Variants in MEF2D observed in about 807,000 individuals in gnomAD.
The protein encoded by MEF2D is myocyte-specific enhancer factor 2D.
Under a neutral mutation model 59.3 loss-of-function variants are expected in MEF2D, and 10 were observed. The observed-to-expected ratio is 0.17, with a 90% CI of 0.10 to 0.29. The LOEUF (loss-of-function observed/expected upper bound fraction) is 0.29, where lower values mean the gene tolerates loss of function less well. Among genes scored for constraint, MEF2D ranks in the 10% least tolerant of loss-of-function variants. The probability of loss-of-function intolerance (pLI) is 1.00; values close to 1 mark genes in which losing one functional copy is unlikely to be tolerated. For synonymous variants in MEF2D, 305 were observed against 295.0 expected (o/e 1.03, Z -0.35); for missense variants, 508 against 699.4 (o/e 0.73, Z 3.09).
In MEF2D at chr1:156,483,416, C is replaced by T. The variant is rs1369079583; in HGVS notation, c.-124G>A. The T allele has an allele frequency of 2.2e-6, 2 of 909,022 alleles. No individual in the cohort carries two copies. The highest frequency in any genetic ancestry group is 3.6e-6 in the Non-Finnish European group (2 of 559,650). 56.3% of individuals were successfully genotyped at this position (909,022 alleles called of 1,614,324 possible). A position where few individuals can be genotyped will look rare whatever the true frequency, so the allele number is the denominator to read the frequency against. On this transcript the variant is annotated 5_prime_UTR_variant, in exon 2 of 12. Transcript: ENST00000348159. ...GCTCAGTTCATGGTCTGCAGGATAC[C>T]TTCTGCACAGCCTCCTGGAAAGGGA...
chr1:156,473,511 C>T (rs1671376213), intron 9 of MEF2D, among the ~76,000 whole-genome samples: 1 of 152,230 alleles, frequency 6.6e-6, no homozygotes, highest in Non-Finnish European at 1.5e-5. Flanking sequence ...AGGTCTCTAG[C>T]TGGAAATAGC....
intron 9 of MEF2D, among the ~76,000 whole-genome samples, chr1:156,469,871 G>C (rs1188139101): frequency 2.0e-5 from 3 of 151,714 alleles, no homozygotes; most frequent in Non-Finnish European, 4.4e-5. Flanking sequence ...GTGGGATCTT[G>C]TCTCAAAAAG....
chr1:156,498,184 C>T (rs1357922520), intron 1 of MEF2D, among the ~76,000 whole-genome samples: 2 of 151,098 alleles, frequency 1.3e-5, no homozygotes, highest in African/African-American at 4.9e-5. Flanking sequence ...ATCTCCCAGC[C>T]TATGAGAAGA....
chr1:156,480,655 ACT>A, intron 4 of MEF2D, 177 bp downstream of exon 4: 3 of 1,553,964 alleles, frequency 1.9e-6, no homozygotes, highest in South Asian at 1.2e-5. Context: ...CCAGTCTATA[ACT>A]CTGCATCATT....
At chr1:156,471,924 T>C (rs949819316) in intron 9 of MEF2D, among the ~76,000 whole-genome samples, 4 of 152,192 alleles carry the variant, frequency 2.6e-5, no homozygotes, top group Admixed American at 2.0e-4. Context: ...TCTCACACAC[T>C]TCCCAGCAGG....
At chr1:156,483,463 C>G in intron 1 of MEF2D, 33 bp from the exon 2 acceptor site, 2 of 626,938 alleles carry the variant, frequency 3.2e-6, no homozygotes, top group Non-Finnish European at 5.6e-6. Flanking sequence ...GGTCTCTGAG[C>G]CCCCAAAACC....
chr1:156,479,437 G>T, intron 5 of MEF2D, 91 bp from the exon 6 acceptor site: 1 of 1,506,582 alleles, frequency 6.6e-7, no homozygotes, highest in Non-Finnish European at 9.0e-7. Flanking sequence ...GACCCCAGGA[G>T]GAAGAGTCAT....
At position 156,480,926 on chromosome 1, in the gene MEF2D, C is replaced by T. The variant is rs780965261; in HGVS notation, c.304G>A (p.Asp102Asn). The change falls in exon 4 of 12, where the codon GAC (aspartate) becomes AAC (asparagine). Residue 102 changes from aspartate (D) to asparagine (N), a missense_variant. Coordinates refer to ENST00000348159, the MANE Select transcript of MEF2D (RefSeq NM_005920.4). ...GFNGCDSPEPDGEDSLEQSPL... is the reference protein window; with the variant it reads ...GFNGCDSPEPNGEDSLEQSPL... The stretch of plus-strand genomic sequence containing the variant: ...CTCTGTTCCAGCGAGTCCTCCCCGT[C>T]GGGCTCGGGGCTGTCGCAGCCGTTG... The T allele has an allele frequency of 3.1e-6, 5 of 1,612,138 alleles. No homozygotes were observed. Among genetic ancestry groups the T allele is most frequent in the Non-Finnish European group, 4.2e-6 (5 of 1,179,800 alleles).
chr1:156,492,172 A>C (rs1672842740), intron 1 of MEF2D, among the ~76,000 whole-genome samples: 1 of 152,268 alleles, frequency 6.6e-6, no homozygotes. Context: ...TTTAGTGCTA[A>C]GGTTGGGGCG....
intron 1 of MEF2D, among the ~76,000 whole-genome samples, chr1:156,492,327 G>A (rs1046844339): frequency 6.6e-6 from 1 of 152,234 alleles, no homozygotes; most frequent in Non-Finnish European, 1.5e-5. Flanking sequence ...TCTCAGGGCT[G>A]AGTCCTTGGA....
chr1:156,499,959 C>A (rs985124591), intron 1 of MEF2D, among the ~76,000 whole-genome samples: 15 of 152,138 alleles, frequency 9.9e-5, no homozygotes, highest in Non-Finnish European at 2.1e-4. Flanking sequence ...CCTCCCTCCC[C>A]CGCTTCCCAA....
Position 156,475,115 on chromosome 1 carries a change from G to A in MEF2D, c.999C>T (p.Tyr333=), listed in dbSNP as rs772008547. 12 of 1,614,114 alleles carry A rather than the reference G, an allele frequency of 7.4e-6. No individual in the cohort carries two copies. The Admixed American group carries it at 1.5e-4, about 20-fold the overall frequency. Residue 333 remains tyrosine, a synonymous_variant, in exon 9 of 12, where the codon TAC becomes TAT. Coordinates refer to ENST00000348159, the MANE Select transcript of MEF2D (RefSeq NM_005920.4). ...GLPFSSMPTA[Y]NTDYQLTSAE... The stretch of plus-strand genomic sequence containing the variant: ...TGTCACATGAACACTCACCTGTGTT[G>A]TAGGCAGTGGGCATGGAAGAGAAGG...
At chr1:156,493,793 C>T (rs141264620) in intron 1 of MEF2D, among the ~76,000 whole-genome samples, 9 of 152,244 alleles carry the variant, frequency 5.9e-5, no homozygotes, top group Non-Finnish European at 1.0e-4. Flanking sequence ...GTTGTCTACT[C>T]TTGACTCCCC....
At chr1:156,486,726 C>T (rs1230365647) in intron 1 of MEF2D, among the ~76,000 whole-genome samples, 3 of 152,198 alleles carry the variant, frequency 2.0e-5, no homozygotes, top group East Asian at 1.9e-4. Flanking sequence ...TTCTATTTAA[C>T]GCCTGGCTCC....
At chr1:156,480,326 A>AG (rs1269067667) in intron 4 of MEF2D, among the ~76,000 whole-genome samples, 9 of 152,134 alleles carry the variant, frequency 5.9e-5, no homozygotes, top group Non-Finnish European at 1.3e-4. Context: ...TATCAGAGCA[A>AG]GCCCAAGCAG....
rs187355193 is a variant in MEF2D at position 156,495,156 on chromosome 1, G to C, written c.-139+5330C>G. Among the ~76,000 whole-genome samples, 315 of 152,216 alleles carry C rather than the reference G, an allele frequency of 2.1e-3. 1 individual carries two copies. Among genetic ancestry groups the C allele is most frequent in the Non-Finnish European group, 3.6e-3 (246 of 68,004 alleles). ...GTCAAAACAATACCCTCCTCACCTT[G>C]CCACCAAAGGCTGATTCTCTGCCCT... On this transcript the variant is annotated intron_variant, in intron 1 of 11. Transcript: ENST00000348159.
intron 8 of MEF2D, 41 bp downstream of exon 8, chr1:156,476,453 A>G (rs543797986): frequency 2.8e-5 from 45 of 1,607,276 alleles, no homozygotes; most frequent in Non-Finnish European, 3.6e-5. Context: ...AGCAATACCC[A>G]GAATTCAAAG....
At chr1:156,482,743 C>G (rs1672103642) in intron 2 of MEF2D, 103 bp from the exon 3 acceptor site, 1 of 1,096,582 alleles carries the variant, frequency 9.1e-7, no homozygotes, top group Admixed American at 1.9e-5. Context: ...CTCAGGAGCC[C>G]CCATTCTCAG....
Position 156,475,174 on chromosome 1 carries a change from C to G in MEF2D, c.940G>C (p.Val314Leu). The G allele has an allele frequency of 6.2e-7, 1 of 1,614,204 alleles. No individual in the cohort carries two copies. The highest frequency in any genetic ancestry group is 1.1e-5 in the South Asian group (1 of 91,082). Reference sequence around the variant, plus strand: ...TGGCTGAGTAAACTCGGCGTTGCCACAGAAACCACTGGGGTGGTGAGCGAA... The same window carrying G: ...TGGCTGAGTAAACTCGGCGTTGCCAGAGAAACCACTGGGGTGGTGAGCGAA... Reference protein sequence around the residue: ...THSLTTPVVSVATPSLLSQGL... With the variant: ...THSLTTPVVSLATPSLLSQGL... The change falls in exon 9 of 12, where the codon GTG becomes CTG. Residue 314 changes from valine to leucine, a missense_variant. Val to Leu is a conservative substitution (Grantham distance 32, BLOSUM62 1). Transcript: ENST00000348159.
Sources: allele counts gnomAD v4.1 joint callset (sites outside exome capture counted in the v4.1 genomes callset), GRCh38; gene constraint gnomAD v4.1.1; transcripts MANE v1.5; gene names NCBI Gene and HGNC (gene_info 2026-07-23, HGNC 2026-07-21).